The following FAM78B variants were observed in gnomAD, a reference collection of about 807,000 sequenced individuals.
FAM78B encodes the protein protein FAM78B.
FAM78B carries 10 observed loss-of-function variants against 20.0 expected under a neutral mutation model. The ratio of observed to expected loss-of-function variants is 0.50; its 90% CI spans 0.31 to 0.85. The LOEUF (loss-of-function observed/expected upper bound fraction) is 0.85, where lower values mean the gene tolerates loss of function less well. FAM78B is among the 40% of genes least tolerant of loss of function. The pLI, the probability that FAM78B is intolerant of heterozygous loss-of-function variation, is 0.05. For synonymous variants in FAM78B, 135 were observed against 132.8 expected, an observed-to-expected ratio of 1.02 and a Z score of -0.12; for missense variants, 283 against 345.0, an observed-to-expected ratio of 0.82 and a Z score of 1.42.
chr1:166,086,771 A>G (rs147980128), intron 1 of FAM78B, among the ~76,000 whole-genome samples: 49 of 152,254 alleles, frequency 3.2e-4, no homozygotes, highest in African/African-American at 1.2e-3. Context: ...TACCAGGCAG[A>G]TGCCAGCTTA....
chr1:166,104,334 G>C (rs1289146189), intron 1 of FAM78B, among the ~76,000 whole-genome samples: 3 of 152,124 alleles, frequency 2.0e-5, no homozygotes, highest in Admixed American at 2.0e-4. Flanking sequence ...ATTCAACATA[G>C]TGTTGGAAGT....
At chr1:166,096,038 G>A (rs1653262000) in intron 1 of FAM78B, among the ~76,000 whole-genome samples, 1 of 152,132 alleles carries the variant, frequency 6.6e-6, no homozygotes, top group African/African-American at 2.4e-5. Flanking sequence ...AATGGCTTCT[G>A]GATTATGGGT....
At chr1:166,082,877 G>A (rs1436204802) in intron 1 of FAM78B, 1 of 152,276 alleles carries the variant, frequency 6.6e-6, no homozygotes, top group African/African-American at 2.4e-5. Flanking sequence ...GAGTGTCCCT[G>A]GGGCTCCTGG....
chr1:166,090,782 C>G (rs777784235), intron 1 of FAM78B, among the ~76,000 whole-genome samples: 2 of 152,160 alleles, frequency 1.3e-5, no homozygotes, highest in African/African-American at 4.8e-5. Context: ...GACATGTCAT[C>G]AGGGGCAGCA....
chr1:166,072,901 T>C (rs776925753), intron 1 of FAM78B, among the ~76,000 whole-genome samples: 3 of 152,218 alleles, frequency 2.0e-5, no homozygotes, highest in East Asian at 1.9e-4. Context: ...GCTTTGTCTA[T>C]AGAGTCTTTA....
At chr1:166,124,894 G>C (rs927079504) in intron 1 of FAM78B, among the ~76,000 whole-genome samples, 3 of 152,196 alleles carry the variant, frequency 2.0e-5, no homozygotes, top group African/African-American at 7.2e-5. Flanking sequence ...TGGCAGACCT[G>C]GTGTGGGAGA....
At chr1:166,108,807 A>T (rs1653885912) in intron 1 of FAM78B, among the ~76,000 whole-genome samples, 1 of 152,206 alleles carries the variant, frequency 6.6e-6, no homozygotes, top group Non-Finnish European at 1.5e-5. Flanking sequence ...TGGTACAAAA[A>T]TAGGCACATA....
At chr1:166,109,806 G>A (rs377659558) in intron 1 of FAM78B, among the ~76,000 whole-genome samples, 4 of 34,424 alleles carry the variant, frequency 1.2e-4, no homozygotes, top group Admixed American at 2.3e-4. Context: ...TGATATATAT[G>A]TATATATGTA....
intron 1 of FAM78B, among the ~76,000 whole-genome samples, chr1:166,121,992 C>T (rs1654480383): frequency 1.3e-5 from 2 of 152,218 alleles, no homozygotes; most frequent in Admixed American, 6.5e-5. Flanking sequence ...TACTCATGGC[C>T]TATATTCATG....
At chr1:166,157,290 G>A (rs1655945238) in intron 1 of FAM78B, among the ~76,000 whole-genome samples, 1 of 151,904 alleles carries the variant, frequency 6.6e-6, no homozygotes, top group Non-Finnish European at 1.5e-5. Flanking sequence ...ATAATAACGA[G>A]CATGCTCTGT....
At chr1:166,112,573 C>A (rs1020018628) in intron 1 of FAM78B, among the ~76,000 whole-genome samples, 1 of 152,156 alleles carries the variant, frequency 6.6e-6, no homozygotes, top group African/African-American at 2.4e-5. Context: ...AAGGAGTACA[C>A]ACTAACGTCC....
At chr1:166,073,377 C>A (rs1353916988) in intron 1 of FAM78B, among the ~76,000 whole-genome samples, 1 of 152,114 alleles carries the variant, frequency 6.6e-6, no homozygotes, top group African/African-American at 2.4e-5. Context: ...TGGAAACAGC[C>A]AAAATTCATT....
At chr1:166,074,212 CCAT>C (rs1489175906) in intron 1 of FAM78B, among the ~76,000 whole-genome samples, 1 of 152,206 alleles carries the variant, frequency 6.6e-6, no homozygotes, top group Non-Finnish European at 1.5e-5. Flanking sequence ...ACATGGCTCT[CCAT>C]CATCTGGCCT....
At chr1:166,121,967 G>A (rs973269049) in intron 1 of FAM78B, among the ~76,000 whole-genome samples, 3 of 152,114 alleles carry the variant, frequency 2.0e-5, no homozygotes, top group Non-Finnish European at 4.4e-5. Flanking sequence ...CAGGCACTAC[G>A]GAGCACCCAT....
At chr1:166,115,686 G>T (rs571007769) in intron 1 of FAM78B, among the ~76,000 whole-genome samples, 53 of 152,336 alleles carry the variant, frequency 3.5e-4, no homozygotes, top group African/African-American at 1.1e-3. Context: ...GGACACCGTT[G>T]TAAGTGCTGA....
intron 1 of FAM78B, among the ~76,000 whole-genome samples, chr1:166,135,545 T>C (rs1417783747): frequency 6.6e-6 from 1 of 152,240 alleles, no homozygotes; most frequent in Admixed American, 6.5e-5. Context: ...CAAGATTCCA[T>C]TGCTCTTCTA....
rs1651939223 is a variant in FAM78B at position 166,069,725 on chromosome 1, TA to T, written c.*515del. 2.6e-5 allele frequency: 4 copies of T among 152,708 alleles called. No individual in the cohort carries two copies. The highest frequency in any genetic ancestry group is 9.7e-5 in the African/African-American group (4 of 41,440). The allele number at this position is 152,708 out of a possible 1,614,324, so 9.5% of individuals were successfully genotyped here. Reference sequence around the variant, plus strand: ...GATTATCAACTAATAAATGCAGAAGTATTAATGTGTCATAAAACCTTATTCT... The same window carrying T: ...GATTATCAACTAATAAATGCAGAAGTTTAATGTGTCATAAAACCTTATTCT... On this transcript the variant is annotated 3_prime_UTR_variant, in exon 2 of 2. Coordinates refer to ENST00000354422, the MANE Select transcript of FAM78B (RefSeq NM_001017961.5).
chr1:166,060,638 G>A (rs1337239504), exon 3 of FAM78B: 1 of 1,288,814 alleles, frequency 7.8e-7, no homozygotes, highest in Non-Finnish European at 1.0e-6. Flanking sequence ...TGTGCTTGCT[G>A]GGCTTTCCTT....
intron 1 of FAM78B, among the ~76,000 whole-genome samples, chr1:166,073,089 A>G (rs1331875407): frequency 1.3e-5 from 2 of 152,074 alleles, no homozygotes; most frequent in Non-Finnish European, 2.9e-5. Flanking sequence ...ATAAAGACAC[A>G]CTCTTGTGGC....
Sources: gnomAD v4.1 joint callset for allele counts (sites outside exome capture counted in the v4.1 genomes callset) on GRCh38, gnomAD v4.1.1 for gene constraint, MANE v1.5 for transcripts, NCBI Gene and HGNC (gene_info 2026-07-23, HGNC 2026-07-21) for gene names.